WWOX: variants seen among roughly 807,000 people sequenced by gnomAD.
WWOX encodes the protein WW domain-containing oxidoreductase.
A neutral mutation model predicts 46.2 loss-of-function variants in WWOX; 69 were observed. The ratio of observed to expected loss-of-function variants is 1.49; its 90% CI spans 1.23 to 1.82. The LOEUF (loss-of-function observed/expected upper bound fraction) is 1.82, where lower values mean the gene tolerates loss of function less well. Ranked by LOEUF, WWOX falls within the 40% of genes most tolerant of loss-of-function variation. The pLI is 0.00. For missense variants in WWOX, 919 were observed against 542.6 expected, an observed-to-expected ratio of 1.69 and a Z score of -6.89; for synonymous variants, 359 against 202.6, an observed-to-expected ratio of 1.77 and a Z score of -6.56.
At chr16:79,142,941 C>T (rs2050117843) in intron 8 of WWOX, among the ~76,000 whole-genome samples, 3 of 152,036 alleles carry the variant, frequency 2.0e-5, no homozygotes, top group African/African-American at 7.3e-5. Flanking sequence ...TGGGCTCAAG[C>T]CACCAGCCTG....
At chr16:78,386,480 T>C (rs778261957) in intron 5 of WWOX, among the ~76,000 whole-genome samples, 4 of 152,196 alleles carry the variant, frequency 2.6e-5, no homozygotes, top group Non-Finnish European at 5.9e-5. Flanking sequence ...AATTAAGATA[T>C]TGTCCATTGC....
At chr16:78,824,862 C>G (rs976619608) in intron 8 of WWOX, among the ~76,000 whole-genome samples, 2 of 152,150 alleles carry the variant, frequency 1.3e-5, no homozygotes, top group Non-Finnish European at 2.9e-5. Flanking sequence ...TCCTAGGCAA[C>G]TTTGTGTGAG....
intron 8 of WWOX, among the ~76,000 whole-genome samples, chr16:79,025,529 G>A (rs1172597717): frequency 6.6e-6 from 1 of 152,036 alleles, no homozygotes; most frequent in African/African-American, 2.4e-5. Context: ...CACAAGCCAG[G>A]GAGCACTGAG....
chr16:78,977,769 G>C (rs1348507890), intron 8 of WWOX, among the ~76,000 whole-genome samples: 1 of 152,064 alleles, frequency 6.6e-6, no homozygotes, highest in African/African-American at 2.4e-5. Flanking sequence ...CCCTTCCTAG[G>C]ATCCCAAACA....
intron 8 of WWOX, among the ~76,000 whole-genome samples, chr16:78,725,885 A>G (rs2048818555): frequency 2.0e-5 from 3 of 151,526 alleles, no homozygotes; most frequent in Admixed American, 6.6e-5. Flanking sequence ...TGTCATTCAC[A>G]TTGGGTCTCT....
At chr16:78,127,575 G>T (rs2033414765) in intron 4 of WWOX, among the ~76,000 whole-genome samples, 1 of 148,490 alleles carries the variant, frequency 6.7e-6, no homozygotes, top group Non-Finnish European at 1.5e-5. Flanking sequence ...AACAAAAAGG[G>T]ATATATTAAA....
At chr16:78,395,771 T>A (rs1365302184) in intron 6 of WWOX, among the ~76,000 whole-genome samples, 1 of 152,086 alleles carries the variant, frequency 6.6e-6, no homozygotes, top group African/African-American at 2.4e-5. Context: ...TTTCTTTTTC[T>A]TTTTCTTTTT....
intron 8 of WWOX, among the ~76,000 whole-genome samples, chr16:78,822,843 A>T (rs1174128934): frequency 6.6e-6 from 1 of 152,114 alleles, no homozygotes; most frequent in Non-Finnish European, 1.5e-5. Context: ...CCTAAAGAAG[A>T]GTCATTTGTA....
At chr16:78,857,561 G>T (rs957323893) in intron 8 of WWOX, among the ~76,000 whole-genome samples, 1 of 152,152 alleles carries the variant, frequency 6.6e-6, no homozygotes, top group South Asian at 2.1e-4. Flanking sequence ...TACCCAAGCT[G>T]ACTGTCGGTC....
At chr16:78,389,434 G>T (rs1288801402) in intron 6 of WWOX, among the ~76,000 whole-genome samples, 3 of 152,164 alleles carry the variant, frequency 2.0e-5, no homozygotes, top group African/African-American at 7.2e-5. Context: ...ATGGATGGCT[G>T]ACTCCTCAAA....
intron 8 of WWOX, among the ~76,000 whole-genome samples, chr16:78,491,121 GCTTT>G (rs1350245583): frequency 6.6e-6 from 1 of 152,140 alleles, no homozygotes; most frequent in Non-Finnish European, 1.5e-5. Flanking sequence ...CCATGCTCGT[GCTTT>G]CTTGTCTATT....
Position 78,821,862 on chromosome 16 carries a change from C to T in WWOX, c.1056+389110C>T, listed in dbSNP as rs554521529. Among the ~76,000 whole-genome samples, 13 of 152,224 alleles carry T rather than the reference C, an allele frequency of 8.5e-5. 1 individual carries two copies. In the East Asian group the frequency reaches 1.4e-3, roughly 16 times the overall value. On this transcript the variant is annotated intron_variant, in intron 8 of 8. Transcript: ENST00000566780. Reference sequence around the variant, plus strand: ...AAGCTAACAATTCTCATCTCCAATTCCCATCTTCAAATATTAAAATAAACT... The same window carrying T: ...AAGCTAACAATTCTCATCTCCAATTTCCATCTTCAAATATTAAAATAAACT...
chr16:79,104,993 G>C (rs1356197336), intron 8 of WWOX, among the ~76,000 whole-genome samples: 1 of 152,134 alleles, frequency 6.6e-6, no homozygotes, highest in African/African-American at 2.4e-5. Flanking sequence ...ATTTCCTCAT[G>C]ATACTGGAAG....
chr16:79,020,747 C>T (rs1161750030), intron 8 of WWOX, among the ~76,000 whole-genome samples: 1 of 152,184 alleles, frequency 6.6e-6, no homozygotes, highest in Non-Finnish European at 1.5e-5. Context: ...TTGATGTCAA[C>T]ACGCATGCAG....
rs560831609 is a variant in WWOX at position 79,173,040 on chromosome 16, C to G, written c.1057-38568C>G. Among the ~76,000 whole-genome samples, 7 of 152,238 alleles carry G rather than the reference C, an allele frequency of 4.6e-5. No homozygotes were observed. In the South Asian group the frequency reaches 1.5e-3, roughly 32 times the overall value. Reference sequence around the variant, plus strand: ...CATCTCTAAATAAGTAAATAAATGCCTCTGTGAATCCATTTCATTGCATTG... The same window carrying G: ...CATCTCTAAATAAGTAAATAAATGCGTCTGTGAATCCATTTCATTGCATTG... On this transcript the variant is annotated intron_variant, in intron 8 of 8. Coordinates refer to ENST00000566780, the MANE Select transcript of WWOX (RefSeq NM_016373.4).
intron 8 of WWOX, among the ~76,000 whole-genome samples, chr16:78,613,834 A>C (rs1437323355): frequency 6.6e-6 from 1 of 152,224 alleles, no homozygotes; most frequent in Non-Finnish European, 1.5e-5. Context: ...TTTTAAGAAG[A>C]GAATACACTG....
chr16:78,306,151 C>G (rs944508385), intron 5 of WWOX, among the ~76,000 whole-genome samples: 5 of 152,212 alleles, frequency 3.3e-5, no homozygotes, highest in Admixed American at 2.0e-4. Context: ...TATAGCTTAA[C>G]TACATTTATA....
intron 5 of WWOX, among the ~76,000 whole-genome samples, chr16:78,384,314 C>A (rs890388362): frequency 6.6e-6 from 1 of 152,060 alleles, no homozygotes; most frequent in African/African-American, 2.4e-5. Context: ...GAGGCAGGGA[C>A]CAGAGGACTT....
chr16:78,791,869 C>G (rs774028446), intron 8 of WWOX, among the ~76,000 whole-genome samples: 7 of 152,032 alleles, frequency 4.6e-5, no homozygotes, highest in Non-Finnish European at 1.0e-4. Context: ...GACAGTGAAA[C>G]TTTTGTCTCA....
Sources: gnomAD v4.1 joint callset for allele counts (sites outside exome capture counted in the v4.1 genomes callset) on GRCh38, gnomAD v4.1.1 for gene constraint, MANE v1.5 for transcripts, NCBI Gene and HGNC (gene_info 2026-07-23, HGNC 2026-07-21) for gene names.